The following DACH2 variants were observed in gnomAD, a reference collection of about 807,000 sequenced individuals.
DACH2 encodes the protein dachshund family transcription factor 2.
A neutral mutation model predicts 35.8 loss-of-function variants in DACH2; 17 were observed. That is an observed-to-expected ratio of 0.48 (90% CI 0.33 to 0.71). The LOEUF (loss-of-function observed/expected upper bound fraction) is 0.71. Among genes scored for constraint, DACH2 ranks in the 30% least tolerant of loss-of-function variants. DACH2 has a pLI of 0.02. For missense variants in DACH2, 469 were observed against 472.7 expected, an observed-to-expected ratio of 0.99 and a Z score of 0.07; for synonymous variants, 195 against 177.3, an observed-to-expected ratio of 1.10 and a Z score of -0.79.
At chrX:86,635,344 AAAAC>A (rs2040251522) in intron 3 of DACH2, among the ~76,000 whole-genome samples, 1 of 104,731 alleles carries the variant, frequency 9.5e-6, no homozygotes, top group African/African-American at 3.6e-5. Context: ...AAAAAAAAAA[AAAAC>A]CTCTCAAACT....
At chrX:86,592,507 A>T (rs1380261983) in intron 3 of DACH2, among the ~76,000 whole-genome samples, 1 of 111,767 alleles carries the variant, frequency 8.9e-6, no homozygotes, top group Non-Finnish European at 1.9e-5. Flanking sequence ...GCCATTCCAG[A>T]TCTTTTGCAT....
At chrX:86,212,163 C>G (rs1168114862) in intron 1 of DACH2, among the ~76,000 whole-genome samples, 1 of 111,122 alleles carries the variant, frequency 9.0e-6, no homozygotes, top group Admixed American at 9.6e-5. Flanking sequence ...TTATTTTGCT[C>G]TAATTTTTGA....
Position 86,662,288 on chromosome X carries a change from C to T in DACH2, c.772+11121C>T, listed in dbSNP as rs780896308. Among the ~76,000 whole-genome samples, 11 of 111,428 alleles carry T rather than the reference C, an allele frequency of 9.9e-5. No homozygotes were observed. In the East Asian group the frequency reaches 3.1e-3, roughly 32 times the overall value. The stretch of plus-strand genomic sequence containing the variant: ...AGTAAGAAGGTATCACTAGTTGGGA[C>T]AAAGGCATGTCTATTTTACTTCAAA... On this transcript the variant is annotated intron_variant, in intron 4 of 11. Transcript: ENST00000373125.
intron 1 of DACH2, among the ~76,000 whole-genome samples, chrX:86,375,037 G>A (rs1006795286): frequency 2.7e-5 from 3 of 109,556 alleles, no homozygotes; most frequent in African/African-American, 9.9e-5. Flanking sequence ...TAACTTGTAG[G>A]CCTTAAAGCC....
intron 3 of DACH2, among the ~76,000 whole-genome samples, chrX:86,648,307 G>A (rs1445048715): frequency 9.0e-6 from 1 of 110,790 alleles, no homozygotes; most frequent in Non-Finnish European, 1.9e-5. Flanking sequence ...GGTGCAAGTT[G>A]AAATTTTGGT....
intron 1 of DACH2, among the ~76,000 whole-genome samples, chrX:86,160,012 A>T (rs891600764): frequency 1.0e-4 from 11 of 110,180 alleles, no homozygotes; most frequent in Non-Finnish European, 1.7e-4. Context: ...TACTGATTTT[A>T]AAAACTAATA....
At chrX:86,394,082 A>T (rs1440164431) in intron 2 of DACH2, among the ~76,000 whole-genome samples, 1 of 108,815 alleles carries the variant, frequency 9.2e-6, no homozygotes, top group Admixed American at 1.0e-4. Context: ...GGTATCAATG[A>T]TCACCTTCCT....
intron 1 of DACH2, among the ~76,000 whole-genome samples, chrX:86,283,381 A>G (rs1258567010): frequency 1.8e-5 from 2 of 111,295 alleles, no homozygotes; most frequent in African/African-American, 6.6e-5. Context: ...ATTACTGGGT[A>G]TATACCCAGT....
At chrX:86,413,745 G>C (rs1410975595) in intron 2 of DACH2, among the ~76,000 whole-genome samples, 1 of 110,904 alleles carries the variant, frequency 9.0e-6, no homozygotes, top group Non-Finnish European at 1.9e-5. Context: ...GAGTCAATGT[G>C]GGGGGTTCCT....
intron 2 of DACH2, among the ~76,000 whole-genome samples, chrX:86,436,007 G>C (rs1382992422): frequency 9.0e-6 from 1 of 111,303 alleles, no homozygotes; most frequent in Non-Finnish European, 1.9e-5. Flanking sequence ...AACTGAATTT[G>C]ATGGACTAGT....
intron 7 of DACH2, among the ~76,000 whole-genome samples, chrX:86,758,540 G>T (rs2041850196): frequency 8.9e-6 from 1 of 111,782 alleles, no homozygotes; most frequent in Admixed American, 9.5e-5. Flanking sequence ...TTTCCAAAAA[G>T]TTCATTTTAT....
chrX:86,685,119 T>A (rs935835558), intron 4 of DACH2, among the ~76,000 whole-genome samples: 4 of 111,954 alleles, frequency 3.6e-5, no homozygotes, highest in African/African-American at 1.3e-4. Flanking sequence ...CTATTTTATA[T>A]CTCTTCTCCT....
At chrX:86,570,676 A>G (rs1359066789) in intron 3 of DACH2, among the ~76,000 whole-genome samples, 2 of 110,090 alleles carry the variant, frequency 1.8e-5, no homozygotes, top group East Asian at 2.9e-4. Context: ...GCAAACCACC[A>G]TGGCACACGT....
chrX:86,659,583 T>C (rs921763028), intron 4 of DACH2, among the ~76,000 whole-genome samples: 2 of 111,629 alleles, frequency 1.8e-5, no homozygotes, highest in Non-Finnish European at 3.8e-5. Context: ...TATCAAATCA[T>C]AGGGCAGAAC....
chrX:86,227,114 A>T (rs2032842142), intron 1 of DACH2, among the ~76,000 whole-genome samples: 1 of 111,651 alleles, frequency 9.0e-6, no homozygotes, highest in Non-Finnish European at 1.9e-5. Context: ...GCACTTAAAA[A>T]TACTGGTTTA....
intron 2 of DACH2, among the ~76,000 whole-genome samples, chrX:86,512,094 C>T (rs1359853648): frequency 9.0e-6 from 1 of 111,034 alleles, no homozygotes. Context: ...ATGAGAATTG[C>T]TTAGGATACA....
chrX:86,531,346 C>T (rs1478304664), intron 3 of DACH2, among the ~76,000 whole-genome samples: 5 of 111,550 alleles, frequency 4.5e-5, no homozygotes, highest in Admixed American at 1.9e-4. Flanking sequence ...GCCCCAGCCC[C>T]TCCCATCACA....
intron 6 of DACH2, among the ~76,000 whole-genome samples, chrX:86,734,678 T>A: frequency 9.0e-6 from 1 of 111,484 alleles, no homozygotes; most frequent in Non-Finnish European, 1.9e-5. Flanking sequence ...TTCATAAAGA[T>A]CCATAAAGTG....
At chrX:86,295,292 G>A (rs925473746) in intron 1 of DACH2, among the ~76,000 whole-genome samples, 10 of 111,808 alleles carry the variant, frequency 8.9e-5, no homozygotes, top group African/African-American at 1.6e-4. Flanking sequence ...CACGGTGCGC[G>A]CACCCACTGA....
Sources: gnomAD v4.1 joint callset for allele counts (sites outside exome capture counted in the v4.1 genomes callset) on GRCh38, gnomAD v4.1.1 for gene constraint, MANE v1.5 for transcripts, NCBI Gene and HGNC (gene_info 2026-07-23, HGNC 2026-07-21) for gene names.